The following RHOJ variants were observed in gnomAD, a reference collection of about 807,000 sequenced individuals.
The protein encoded by RHOJ is rho-related GTP-binding protein RhoJ.
Under a neutral mutation model 23.4 loss-of-function variants are expected in RHOJ, and 11 were observed. That is an observed-to-expected ratio of 0.47 (90% confidence interval 0.30 to 0.78). RHOJ has a LOEUF of 0.78. Ranked by LOEUF, RHOJ falls within the 30% of genes least tolerant of loss-of-function variation. The pLI is 0.08. For missense variants in RHOJ, 254 were observed against 273.4 expected, an observed-to-expected ratio of 0.93 and a Z score of 0.50; for synonymous variants, 102 against 102.7, an observed-to-expected ratio of 0.99 and a Z score of 0.04.
intron 1 of RHOJ, among the ~76,000 whole-genome samples, chr14:63,259,374 C>T (rs576116124): frequency 3.5e-4 from 54 of 152,324 alleles, no homozygotes; most frequent in African/African-American, 1.1e-3. Context: ...TCAGTGACAA[C>T]GCATAACATA....
chr14:63,279,093 A>G (rs993141617), intron 2 of RHOJ, among the ~76,000 whole-genome samples: 5 of 152,256 alleles, frequency 3.3e-5, no homozygotes, highest in Non-Finnish European at 5.9e-5. Context: ...GATGAAAACA[A>G]GCTTTCACTT....
intron 1 of RHOJ, among the ~76,000 whole-genome samples, chr14:63,256,159 G>A (rs1173950143): frequency 6.6e-6 from 1 of 152,076 alleles, no homozygotes; most frequent in East Asian, 1.9e-4. Context: ...TGAAGCACCA[G>A]GATTACAGGT....
At chr14:63,217,221 A>G (rs991614137) in intron 1 of RHOJ, among the ~76,000 whole-genome samples, 10 of 145,846 alleles carry the variant, frequency 6.9e-5, no homozygotes, top group South Asian at 2.5e-4. Context: ...ATATCTCCCA[A>G]TGCTATCCCT....
intron 1 of RHOJ, among the ~76,000 whole-genome samples, chr14:63,207,255 C>T (rs950534769): frequency 5.3e-5 from 8 of 152,094 alleles, no homozygotes. Flanking sequence ...TGGTCTTGAA[C>T]TCCTTACCTC....
intron 1 of RHOJ, among the ~76,000 whole-genome samples, chr14:63,242,764 A>G (rs1277039725): frequency 1.3e-5 from 2 of 152,202 alleles, no homozygotes; most frequent in Non-Finnish European, 2.9e-5. Flanking sequence ...GAAAAAACTC[A>G]TAAGCTCTCA....
chr14:63,290,933 C>T lies in RHOJ; in HGVS notation c.554C>T (p.Ala185Val), dbSNP rs145036225. 28 of 1,613,894 alleles carry T rather than the reference C, an allele frequency of 1.7e-5. No homozygotes were observed. The highest frequency in any genetic ancestry group is 1.6e-4 in the African/African-American group (12 of 74,864). ...GCTCTGACTCAGAAAGGTCTCAAAG[C>T]GGTTTTTGATGAAGCAATCCTCACC... ...CSALTQKGLK[A>V]VFDEAILTIF... Residue 185 changes from alanine to valine, a missense_variant, in exon 5 of 5, where the codon GCG (alanine) becomes GTG (valine). Physicochemically the swap from Ala to Val is moderately conservative, Grantham distance 64. Coordinates refer to ENST00000316754, the MANE Select transcript of RHOJ (RefSeq NM_020663.5).
At chr14:63,208,107 T>C (rs1488174059) in intron 1 of RHOJ, among the ~76,000 whole-genome samples, 1 of 152,184 alleles carries the variant, frequency 6.6e-6, no homozygotes, top group Non-Finnish European at 1.5e-5. Flanking sequence ...TATGAGGTAA[T>C]AGTAATAGGA....
chr14:63,214,781 G>T (rs1894317564), intron 1 of RHOJ, among the ~76,000 whole-genome samples: 1 of 152,150 alleles, frequency 6.6e-6, no homozygotes, highest in Non-Finnish European at 1.5e-5. Context: ...CCCAAGGGCA[G>T]CCATGGGTAG....
chr14:63,218,723 GCAGATT>G (rs1894419352), intron 1 of RHOJ, among the ~76,000 whole-genome samples: 1 of 152,162 alleles, frequency 6.6e-6, no homozygotes, highest in Non-Finnish European at 1.5e-5. Context: ...CTAGAACTCA[GCAGATT>G]TTCTGGACAC....
intron 1 of RHOJ, among the ~76,000 whole-genome samples, chr14:63,258,644 G>A (rs1895222127): frequency 6.6e-6 from 1 of 152,156 alleles, no homozygotes; most frequent in Admixed American, 6.5e-5. Flanking sequence ...CATGCCCTGG[G>A]CTTTCCTGAG....
chr14:63,215,048 A>G (rs984563039), intron 1 of RHOJ, among the ~76,000 whole-genome samples: 3 of 152,176 alleles, frequency 2.0e-5, no homozygotes, highest in East Asian at 1.9e-4. Context: ...GTTGTTCCAC[A>G]TTCATCCAGC....
chr14:63,271,681 G>A (rs575127077), intron 2 of RHOJ, among the ~76,000 whole-genome samples: 129 of 152,272 alleles, frequency 8.5e-4, no homozygotes, highest in African/African-American at 2.9e-3. Flanking sequence ...TGCAACCTCC[G>A]CTTCCCGAGT....
At chr14:63,265,487 A>C (rs1895351376) in intron 1 of RHOJ, among the ~76,000 whole-genome samples, 1 of 152,234 alleles carries the variant, frequency 6.6e-6, no homozygotes, top group African/African-American at 2.4e-5. Context: ...TTTGCTTAGA[A>C]TTGCTTTAGC....
At chr14:63,260,843 GT>G (rs147485104) in intron 1 of RHOJ, among the ~76,000 whole-genome samples, 5,595 of 144,848 alleles carry the variant, frequency 0.039, 113 homozygotes, top group Non-Finnish European at 0.042. Context: ...ACATGTACAG[GT>G]TTTTTTTTTT....
intron 1 of RHOJ, among the ~76,000 whole-genome samples, chr14:63,241,904 A>C (rs561724149): frequency 1.3e-5 from 2 of 152,352 alleles, no homozygotes; most frequent in East Asian, 3.9e-4. Flanking sequence ...ATGCCTCTCA[A>C]AAATTTTGAC....
intron 2 of RHOJ, among the ~76,000 whole-genome samples, chr14:63,270,170 C>CTTTTT (rs10680889): frequency 0.022 from 2,802 of 128,032 alleles, 124 homozygotes; most frequent in East Asian, 0.12. Context: ...TCGTCTAGGC[C>CTTTTT]TTTTTTTTTT....
At chr14:63,276,093 CA>C (rs1362643366) in intron 2 of RHOJ, among the ~76,000 whole-genome samples, 1 of 152,160 alleles carries the variant, frequency 6.6e-6, no homozygotes, top group Non-Finnish European at 1.5e-5. Flanking sequence ...AAAACTGGCT[CA>C]GGGGAGAGGG....
At chr14:63,281,584 A>G (rs913882247) in intron 3 of RHOJ, among the ~76,000 whole-genome samples, 2 of 152,068 alleles carry the variant, frequency 1.3e-5, no homozygotes, top group African/African-American at 4.8e-5. Flanking sequence ...CTTTAATTAC[A>G]CTTCCGGAGA....
At chr14:63,271,967 G>T (rs1242742718) in intron 2 of RHOJ, among the ~76,000 whole-genome samples, 1 of 152,186 alleles carries the variant, frequency 6.6e-6, no homozygotes, top group Non-Finnish European at 1.5e-5. Flanking sequence ...TCAAAGTGTG[G>T]TCCACCAACC....
Sources: allele counts gnomAD v4.1 joint callset (sites outside exome capture counted in the v4.1 genomes callset), GRCh38; gene constraint gnomAD v4.1.1; transcripts MANE v1.5; gene names NCBI Gene and HGNC (gene_info 2026-07-23, HGNC 2026-07-21).